The following KCTD8 variants were observed in gnomAD, a reference collection of about 807,000 sequenced individuals.
KCTD8 encodes potassium channel tetramerization domain containing 8.
In KCTD8, 27 loss-of-function variants were observed where a neutral mutation model predicts 31.5. That is an observed-to-expected ratio of 0.86 (90% CI 0.63 to 1.18). The LOEUF (loss-of-function observed/expected upper bound fraction) is 1.18, where lower values mean the gene tolerates loss of function less well. Among genes scored for constraint, KCTD8 ranks in the 50% most tolerant of loss-of-function variants. The pLI, the probability that KCTD8 is intolerant of heterozygous loss-of-function variation, is 0.00. For synonymous variants in KCTD8, 290 were observed against 280.0 expected, an observed-to-expected ratio of 1.04 and a Z score of -0.36; for missense variants, 658 against 647.7, an observed-to-expected ratio of 1.02 and a Z score of -0.17.
chr4:44,351,247 C>T (rs1022048231), intron 1 of KCTD8, among the ~76,000 whole-genome samples: 5 of 152,114 alleles, frequency 3.3e-5, no homozygotes, highest in Admixed American at 1.3e-4. Flanking sequence ...GCACCAGGAA[C>T]AGCTCCTGGC....
chr4:44,377,432 T>A (rs1719943219), intron 1 of KCTD8, among the ~76,000 whole-genome samples: 1 of 152,168 alleles, frequency 6.6e-6, no homozygotes, highest in South Asian at 2.1e-4. Context: ...GAGGCCAGCA[T>A]AGGCTCAGGA....
At chr4:44,333,089 C>A (rs1718632516) in intron 1 of KCTD8, among the ~76,000 whole-genome samples, 1 of 151,994 alleles carries the variant, frequency 6.6e-6, no homozygotes, top group Non-Finnish European at 1.5e-5. Context: ...TTTCTAATGG[C>A]CAGATAACCA....
intron 1 of KCTD8, among the ~76,000 whole-genome samples, chr4:44,401,286 T>C (rs1720647211): frequency 1.3e-5 from 2 of 152,154 alleles, no homozygotes; most frequent in African/African-American, 4.8e-5. Flanking sequence ...CTGCTGACCA[T>C]ATCAGAAGAC....
At chr4:44,274,492 A>T (rs1044013021) in intron 1 of KCTD8, among the ~76,000 whole-genome samples, 1 of 151,902 alleles carries the variant, frequency 6.6e-6, no homozygotes, top group African/African-American at 2.4e-5. Flanking sequence ...GTCAGACATA[A>T]AGTGAAACAT....
intron 1 of KCTD8, among the ~76,000 whole-genome samples, chr4:44,272,595 CAATA>C (rs1560412432): frequency 6.6e-6 from 1 of 152,060 alleles, no homozygotes; most frequent in South Asian, 2.1e-4. Flanking sequence ...TTTTTGGTAA[CAATA>C]AACTCTCACA....
intron 1 of KCTD8, among the ~76,000 whole-genome samples, chr4:44,408,041 T>C (rs1369324123): frequency 6.6e-6 from 1 of 152,158 alleles, no homozygotes; most frequent in Non-Finnish European, 1.5e-5. Context: ...TCAAAAAGAA[T>C]ATAGTAGATT....
chr4:44,403,895 G>T (rs1360173881), intron 1 of KCTD8, among the ~76,000 whole-genome samples: 2 of 152,082 alleles, frequency 1.3e-5, no homozygotes, highest in Non-Finnish European at 2.9e-5. Flanking sequence ...TTTTTACAGT[G>T]TTTGTAATAT....
chr4:44,301,929 T>C (rs569946594), intron 1 of KCTD8, among the ~76,000 whole-genome samples: 6 of 152,330 alleles, frequency 3.9e-5, no homozygotes, highest in African/African-American at 1.4e-4. Flanking sequence ...TTCAGCTTTC[T>C]ACATATGGCT....
chr4:44,327,221 G>C (rs968807010), intron 1 of KCTD8, among the ~76,000 whole-genome samples: 3 of 151,828 alleles, frequency 2.0e-5, no homozygotes, highest in African/African-American at 7.3e-5. Flanking sequence ...ATTTTTTGCT[G>C]TCTTCCACTT....
At chr4:44,189,859 T>C (rs1051444257) in intron 1 of KCTD8, among the ~76,000 whole-genome samples, 6 of 152,204 alleles carry the variant, frequency 3.9e-5, no homozygotes, top group Non-Finnish European at 8.8e-5. Context: ...TTTCCTATTT[T>C]TATAGAAGCA....
chr4:44,175,268 A>G lies in KCTD8; in HGVS notation c.962-18T>C. The G allele has an allele frequency of 7.0e-7, 1 of 1,435,868 alleles. No individual in the cohort carries two copies. The highest frequency in any genetic ancestry group is 1.9e-4 in the Middle Eastern group (1 of 5,394). 88.9% of individuals were successfully genotyped at this position (1,435,868 alleles called of 1,614,324 possible). A position where few individuals can be genotyped will look rare whatever the true frequency, so the allele number is the denominator to read the frequency against. On this transcript the variant is annotated intron_variant, in intron 1 of 1. Coordinates refer to ENST00000360029, the MANE Select transcript of KCTD8 (RefSeq NM_198353.3). ...AGGTGGTCCTAAAAAGGAGGAAAAAAAAAGAAGAAGAGTAGAACAGTTGAA... is the reference window on the plus strand; with the variant it reads ...AGGTGGTCCTAAAAAGGAGGAAAAAGAAAGAAGAAGAGTAGAACAGTTGAA...
intron 1 of KCTD8, among the ~76,000 whole-genome samples, chr4:44,397,203 TA>T (rs1384958260): frequency 6.6e-6 from 1 of 152,146 alleles, no homozygotes; most frequent in Non-Finnish European, 1.5e-5. Flanking sequence ...TCAGTTTCTA[TA>T]AAAATGAAAA....
chr4:44,222,287 G>C (rs1207585872), intron 1 of KCTD8, among the ~76,000 whole-genome samples: 1 of 152,176 alleles, frequency 6.6e-6, no homozygotes. Flanking sequence ...ACATCAGCCA[G>C]ACTGGCAGTC....
chr4:44,206,090 A>C (rs545144487), intron 1 of KCTD8, among the ~76,000 whole-genome samples: 1 of 151,280 alleles, frequency 6.6e-6, no homozygotes, highest in African/African-American at 2.4e-5. Context: ...TAGATTATTT[A>C]TTTTTTTTTA....
At chr4:44,426,788 C>G (rs1254306590) in intron 1 of KCTD8, among the ~76,000 whole-genome samples, 1 of 151,624 alleles carries the variant, frequency 6.6e-6, no homozygotes, top group African/African-American at 2.4e-5. Context: ...ATAATTCATA[C>G]CTTTTAAGTA....
chr4:44,325,924 A>C (rs991411085), intron 1 of KCTD8, among the ~76,000 whole-genome samples: 1 of 151,988 alleles, frequency 6.6e-6, no homozygotes, highest in Non-Finnish European at 1.5e-5. Context: ...TGCTTCAAAA[A>C]GTGGTCAGTT....
At chr4:44,206,810 CT>C in intron 1 of KCTD8, among the ~76,000 whole-genome samples, 1 of 152,170 alleles carries the variant, frequency 6.6e-6, no homozygotes, top group Admixed American at 6.5e-5. Flanking sequence ...ATTTAAACAT[CT>C]CCCAGTGATC....
At chr4:44,380,360 G>A (rs1324750701) in intron 1 of KCTD8, among the ~76,000 whole-genome samples, 1 of 149,154 alleles carries the variant, frequency 6.7e-6, no homozygotes, top group Non-Finnish European at 1.5e-5. Flanking sequence ...TAAATAGTTT[G>A]ACCAAATGGA....
intron 1 of KCTD8, among the ~76,000 whole-genome samples, chr4:44,290,042 C>T (rs1717224034): frequency 6.6e-6 from 1 of 151,934 alleles, no homozygotes. Flanking sequence ...GAAGACAAGA[C>T]CCAATTGTCT....
Sources: allele counts gnomAD v4.1 joint callset (sites outside exome capture counted in the v4.1 genomes callset), GRCh38; gene constraint gnomAD v4.1.1; transcripts MANE v1.5; gene names NCBI Gene and HGNC (gene_info 2026-07-23, HGNC 2026-07-21).